Variants in SCHIP1 observed in about 807,000 individuals in gnomAD.
The protein encoded by SCHIP1 is schwannomin interacting protein 1.
Under a neutral mutation model 29.7 loss-of-function variants are expected in SCHIP1, and 8 were observed. The observed-to-expected ratio is 0.27, with a 90% CI of 0.16 to 0.49. SCHIP1 has a LOEUF of 0.49. Ranked by LOEUF, SCHIP1 falls within the 20% of genes least tolerant of loss-of-function variation. The probability of loss-of-function intolerance (pLI) is 0.99; values close to 1 mark genes in which losing one functional copy is unlikely to be tolerated. For synonymous variants in SCHIP1, 76 were observed against 94.9 expected, an observed-to-expected ratio of 0.80 and a Z score of 1.16; for missense variants, 193 against 294.6, an observed-to-expected ratio of 0.66 and a Z score of 2.52.
At chr3:159,337,048 G>A in the SCHIP1 span, among the ~76,000 whole-genome samples, 204 of 152,140 alleles carry the variant, frequency 1.3e-3, no homozygotes, top group African/African-American at 4.5e-3. Context: ...TTCAACATAC[G>A]CAAATCAATA....
the SCHIP1 span, among the ~76,000 whole-genome samples, chr3:159,299,164 T>C: frequency 1.3e-5 from 2 of 152,226 alleles, no homozygotes; most frequent in African/African-American, 4.8e-5. Context: ...GAATTCTTTA[T>C]TGATTTTACA....
chr3:159,821,635 C>T, the SCHIP1 span, among the ~76,000 whole-genome samples: 1 of 152,186 alleles, frequency 6.6e-6, no homozygotes, highest in Non-Finnish European at 1.5e-5. Context: ...GAAACTAGCA[C>T]AAATTTATTT....
chr3:159,530,033 A>C, the SCHIP1 span, among the ~76,000 whole-genome samples: 1 of 152,230 alleles, frequency 6.6e-6, no homozygotes, highest in Non-Finnish European at 1.5e-5. Context: ...TATCTTGGCT[A>C]TCGTGAAGAG....
chr3:159,511,215 G>T, the SCHIP1 span, among the ~76,000 whole-genome samples: 2,644 of 152,298 alleles, frequency 0.017, 69 homozygotes, highest in African/African-American at 0.061. Context: ...TTCAATCTCA[G>T]GCTGCTGTGC....
the SCHIP1 span, among the ~76,000 whole-genome samples, chr3:159,491,243 G>T: frequency 1.3e-5 from 2 of 152,186 alleles, no homozygotes; most frequent in East Asian, 1.9e-4. Context: ...ACTGGGGAGT[G>T]CTGGACAGCG....
the SCHIP1 span, among the ~76,000 whole-genome samples, chr3:159,702,412 C>T: frequency 6.6e-6 from 1 of 152,182 alleles, no homozygotes; most frequent in Non-Finnish European, 1.5e-5. Context: ...TCATAATATT[C>T]CTAATACCCC....
chr3:159,469,984 A>T, the SCHIP1 span, among the ~76,000 whole-genome samples: 55 of 152,306 alleles, frequency 3.6e-4, no homozygotes, highest in African/African-American at 1.3e-3. Context: ...TAATGCAAAG[A>T]TAGTTCAATG....
the SCHIP1 span, among the ~76,000 whole-genome samples, chr3:159,318,917 C>G: frequency 6.6e-6 from 1 of 152,078 alleles, no homozygotes; most frequent in Non-Finnish European, 1.5e-5. Flanking sequence ...CAGTAACAGG[C>G]CATGAGCTGT....
At chr3:159,672,864 G>A in the SCHIP1 span, among the ~76,000 whole-genome samples, 1 of 152,162 alleles carries the variant, frequency 6.6e-6, no homozygotes, top group Admixed American at 6.5e-5. Context: ...AGTGCACTGT[G>A]GAGTCTCTGG....
At chr3:159,344,867 G>A in the SCHIP1 span, among the ~76,000 whole-genome samples, 34 of 152,282 alleles carry the variant, frequency 2.2e-4, no homozygotes, top group South Asian at 3.5e-3. Context: ...TAACAGTAGG[G>A]AAATTGGGTA....
At chr3:159,537,141 C>T in the SCHIP1 span, among the ~76,000 whole-genome samples, 44 of 152,170 alleles carry the variant, frequency 2.9e-4, 1 homozygote, top group African/African-American at 9.9e-4. Context: ...AGCTATAAAC[C>T]CTCATCACAG....
the SCHIP1 span, among the ~76,000 whole-genome samples, chr3:159,622,562 A>G: frequency 6.6e-6 from 1 of 152,146 alleles, no homozygotes; most frequent in African/African-American, 2.4e-5. Flanking sequence ...TGAATGCTCA[A>G]AAATATTGGC....
the SCHIP1 span, among the ~76,000 whole-genome samples, chr3:159,700,585 C>T: frequency 2.0e-5 from 3 of 152,038 alleles, no homozygotes; most frequent in Admixed American, 2.0e-4. Context: ...TTTGGGAGGC[C>T]GAGGCTGGTG....
the SCHIP1 span, among the ~76,000 whole-genome samples, chr3:159,821,830 C>T: frequency 6.6e-6 from 1 of 152,054 alleles, no homozygotes; most frequent in Admixed American, 6.6e-5. Context: ...CATTTGGGGC[C>T]GTTATTAGGT....
chr3:159,398,133 C>T, the SCHIP1 span, among the ~76,000 whole-genome samples: 1 of 152,156 alleles, frequency 6.6e-6, no homozygotes, highest in African/African-American at 2.4e-5. Context: ...AAAGGGAACT[C>T]CCTGACCCTT....
chr3:159,527,493 T>C, the SCHIP1 span, among the ~76,000 whole-genome samples: 1 of 152,202 alleles, frequency 6.6e-6, no homozygotes, highest in Non-Finnish European at 1.5e-5. Flanking sequence ...CAAAACTCTC[T>C]TAGTTGTAAG....
At chr3:159,669,200 G>A in the SCHIP1 span, among the ~76,000 whole-genome samples, 2 of 152,158 alleles carry the variant, frequency 1.3e-5, no homozygotes, top group African/African-American at 2.4e-5. Flanking sequence ...CAAGAACAAT[G>A]TACGTAAAGC....
the SCHIP1 span, among the ~76,000 whole-genome samples, chr3:159,524,160 C>T: frequency 6.6e-6 from 1 of 152,204 alleles, no homozygotes; most frequent in Non-Finnish European, 1.5e-5. Context: ...CTATGCACCA[C>T]GTAGAAATGT....
chr3:159,751,380 C>T, the SCHIP1 span, among the ~76,000 whole-genome samples: 430 of 152,322 alleles, frequency 2.8e-3, 4 homozygotes, highest in African/African-American at 9.8e-3. Context: ...CTCCTTCAGT[C>T]TGTTATGACC....
Sources: allele counts gnomAD v4.1 joint callset (sites outside exome capture counted in the v4.1 genomes callset), GRCh38; gene constraint gnomAD v4.1.1; transcripts MANE v1.5; gene names NCBI Gene and HGNC (gene_info 2026-07-23, HGNC 2026-07-21).